ADGRL3: variants seen among roughly 807,000 people sequenced by gnomAD.
The protein encoded by ADGRL3 is calcium-independent alpha-latrotoxin receptor 3.
Under a neutral mutation model 153.5 loss-of-function variants are expected in ADGRL3, and 62 were observed. The observed-to-expected ratio is 0.40, with a 90% CI of 0.33 to 0.50. The LOEUF (loss-of-function observed/expected upper bound fraction) is 0.50. Among genes scored for constraint, ADGRL3 ranks in the 20% least tolerant of loss-of-function variants. The pLI, the probability that ADGRL3 is intolerant of heterozygous loss-of-function variation, is 0.47. For synonymous variants in ADGRL3, 710 were observed against 672.5 expected (o/e 1.06, Z -0.86); for missense variants, 1,641 against 1,859.4 (o/e 0.88, Z 2.16).
chr4:61,255,744 T>G (rs992547754), intron 1 of ADGRL3, among the ~76,000 whole-genome samples: 4 of 152,302 alleles, frequency 2.6e-5, no homozygotes, highest in Non-Finnish European at 4.4e-5. Context: ...AATCTCATTC[T>G]TAACCACTAT....
chr4:61,601,599 A>G (rs1056524291), intron 5 of ADGRL3, among the ~76,000 whole-genome samples: 5 of 152,132 alleles, frequency 3.3e-5, no homozygotes, highest in African/African-American at 1.2e-4. Flanking sequence ...TTTTTCCTAC[A>G]GTTTTCAGAA....
At chr4:61,534,324 C>G (rs1239897456) in intron 4 of ADGRL3, among the ~76,000 whole-genome samples, 1 of 152,128 alleles carries the variant, frequency 6.6e-6, no homozygotes, top group African/African-American at 2.4e-5. Context: ...ATGCCAACAT[C>G]ATGCTATTTT....
intron 1 of ADGRL3, among the ~76,000 whole-genome samples, chr4:61,359,374 T>C (rs1430028302): frequency 6.6e-6 from 1 of 152,174 alleles, no homozygotes; most frequent in Non-Finnish European, 1.5e-5. Flanking sequence ...AGAATATGAA[T>C]AATAGCCTAC....
chr4:61,243,001 T>C (rs948619550), intron 1 of ADGRL3, among the ~76,000 whole-genome samples: 7 of 152,032 alleles, frequency 4.6e-5, no homozygotes, highest in Non-Finnish European at 8.8e-5. Context: ...GCAAGTGCCA[T>C]AAGCAGTCTA....
rs79774194 is a variant in ADGRL3, at chr4:61,452,453, T to A, written c.-173-44668T>A. 1.4e-3 allele frequency among the ~76,000 whole-genome samples: 214 copies of A among 152,316 alleles called. 1 individual carries two copies. The East Asian group carries it at 0.034, about 24-fold the overall frequency. ...ATCTGACCTACAATGGTAGCCACAT[T>A]CATGATGACATTCCAAATCTTGCAG... On this transcript the variant is annotated intron_variant, in intron 2 of 26. Coordinates refer to ENST00000683033, the MANE Select transcript of ADGRL3 (RefSeq NM_001387552.1).
chr4:61,573,164 G>A (rs951119730), intron 4 of ADGRL3, among the ~76,000 whole-genome samples: 6 of 151,900 alleles, frequency 3.9e-5, no homozygotes, highest in Non-Finnish European at 5.9e-5. Flanking sequence ...ATATTCTGTC[G>A]TATTTGAAAG....
chr4:61,987,064 C>T (rs190078731), intron 19 of ADGRL3, among the ~76,000 whole-genome samples: 122 of 151,358 alleles, frequency 8.1e-4, no homozygotes, highest in African/African-American at 2.9e-3. Context: ...TTCCTATCGT[C>T]GAGACTCTTT....
intron 5 of ADGRL3, among the ~76,000 whole-genome samples, chr4:61,618,251 A>G (rs2092220812): frequency 6.6e-6 from 1 of 152,218 alleles, no homozygotes; most frequent in Admixed American, 6.5e-5. Context: ...GGAGTAAGGA[A>G]AACTATGTTT....
chr4:61,746,466 T>A (rs2096662915), intron 8 of ADGRL3, among the ~76,000 whole-genome samples: 1 of 152,034 alleles, frequency 6.6e-6, no homozygotes, highest in Non-Finnish European at 1.5e-5. Context: ...AGTAAAGCAC[T>A]CCTCAGCAAA....
rs528866517 is a variant in ADGRL3 at position 61,846,154 on chromosome 4, A to G, written c.1480+32265A>G. Among the ~76,000 whole-genome samples the G allele has an allele frequency of 2.0e-5, 3 of 152,086 alleles. No homozygotes were observed. The East Asian group carries it at 5.8e-4, about 30-fold the overall frequency. Reference sequence around the variant, plus strand: ...ACATAGTGAGAGCCCCATCTCTACAAAAGATTTTAAAAATCAGGGGAGTAT... The same window carrying G: ...ACATAGTGAGAGCCCCATCTCTACAGAAGATTTTAAAAATCAGGGGAGTAT... On this transcript the variant is annotated intron_variant, in intron 9 of 26. Transcript: ENST00000683033.
At chr4:61,914,534 T>C (rs751662624) in intron 13 of ADGRL3, among the ~76,000 whole-genome samples, 1 of 152,076 alleles carries the variant, frequency 6.6e-6, no homozygotes, top group South Asian at 2.1e-4. Flanking sequence ...CTAATGGTAA[T>C]ACATGGGAGG....
intron 21 of ADGRL3, among the ~76,000 whole-genome samples, chr4:61,998,859 G>A (rs924967939): frequency 1.1e-4 from 16 of 152,040 alleles, no homozygotes; most frequent in African/African-American, 3.9e-4. Context: ...GTACAGGCAC[G>A]AGCCACCGCA....
intron 8 of ADGRL3, among the ~76,000 whole-genome samples, chr4:61,753,712 T>C (rs1182633188): frequency 6.6e-6 from 1 of 152,224 alleles, no homozygotes; most frequent in Non-Finnish European, 1.5e-5. Flanking sequence ...GGAATAATTT[T>C]ATTCTCTATA....
At position 61,934,848 on chromosome 4, in the gene ADGRL3, C is replaced by G. The variant is rs191345187; in HGVS notation, c.2121C>G (p.Val707=). ...TTTTCATCCTCTTGTAGGCAATGGTCGAGACAGTTAACAACCTCCTTCAGC... is the reference window on the plus strand; with the variant it reads ...TTTTCATCCTCTTGTAGGCAATGGTGGAGACAGTTAACAACCTCCTTCAGC... ...RSCRAYVQAM[V]ETVNNLLQPQ... Residue 707 remains valine (V), a synonymous_variant, in exon 14 of 27, where the codon GTC becomes GTG. Coordinates refer to ENST00000683033, the MANE Select transcript of ADGRL3 (RefSeq NM_001387552.1). 18 of 1,613,038 alleles carry G rather than the reference C, an allele frequency of 1.1e-5. No homozygotes were observed. The African/African-American group carries it at 2.0e-4, about 18-fold the overall frequency.
chr4:62,034,749 AT>A (rs1460025938), intron 23 of ADGRL3, among the ~76,000 whole-genome samples: 2 of 151,866 alleles, frequency 1.3e-5, no homozygotes, highest in African/African-American at 2.4e-5. Flanking sequence ...TAAAATTAAA[AT>A]TTTTGTATCT....
At chr4:61,795,404 T>G (rs1349142340) in intron 8 of ADGRL3, among the ~76,000 whole-genome samples, 2 of 151,890 alleles carry the variant, frequency 1.3e-5, no homozygotes, top group Non-Finnish European at 2.9e-5. Flanking sequence ...TGTGAGCCAC[T>G]CTGTGGGCCG....
chr4:61,497,098 C>A, intron 2 of ADGRL3, 23 bp from the exon 3 acceptor site: 5 of 543,962 alleles, frequency 9.2e-6, no homozygotes, highest in South Asian at 7.5e-5. Context: ...ATACAATAAC[C>A]CTTTTTTTTT....
chr4:61,562,556 C>T (rs1048925618), intron 4 of ADGRL3, among the ~76,000 whole-genome samples: 5 of 152,142 alleles, frequency 3.3e-5, no homozygotes, highest in Admixed American at 2.0e-4. Context: ...CCAGAATGTT[C>T]ACCCGGAGTA....
intron 1 of ADGRL3, among the ~76,000 whole-genome samples, chr4:61,215,006 G>A (rs1741973980): frequency 1.3e-5 from 2 of 152,020 alleles, no homozygotes; most frequent in Admixed American, 1.3e-4. Context: ...AATTAAAGAG[G>A]AAAACAGCAG....
Sources: allele counts gnomAD v4.1 joint callset (sites outside exome capture counted in the v4.1 genomes callset), GRCh38; gene constraint gnomAD v4.1.1; transcripts MANE v1.5; gene names NCBI Gene and HGNC (gene_info 2026-07-23, HGNC 2026-07-21).